Variants in VEPH1 observed in about 807,000 individuals in gnomAD.
VEPH1 encodes the protein ventricular zone-expressed PH domain-containing protein homolog 1.
VEPH1 carries 80 observed loss-of-function variants against 85.2 expected under a neutral mutation model. That is an observed-to-expected ratio of 0.94 (90% CI 0.78 to 1.13). The LOEUF is 1.13. Ranked by LOEUF, VEPH1 falls within the 50% of genes most tolerant of loss-of-function variation. The pLI is 0.00. For missense variants in VEPH1, 955 were observed against 980.5 expected, an observed-to-expected ratio of 0.97 and a Z score of 0.35; for synonymous variants, 297 against 348.0, an observed-to-expected ratio of 0.85 and a Z score of 1.63.
intron 9 of VEPH1, among the ~76,000 whole-genome samples, chr3:157,350,976 A>G (rs1024848370): frequency 1.3e-5 from 2 of 152,234 alleles, no homozygotes; most frequent in African/African-American, 4.8e-5. Flanking sequence ...CTCAATATCT[A>G]CAAATAGAAC....
intron 11 of VEPH1, among the ~76,000 whole-genome samples, chr3:157,298,168 G>T (rs957871962): frequency 6.6e-6 from 1 of 152,210 alleles, no homozygotes; most frequent in Non-Finnish European, 1.5e-5. Context: ...GCTCTGCTAG[G>T]TGTTGAATTA....
intron 9 of VEPH1, among the ~76,000 whole-genome samples, chr3:157,328,228 AT>A (rs57972117): frequency 0.13 from 20,083 of 152,178 alleles, 2,458 homozygotes; most frequent in African/African-American, 0.33. Context: ...TAAAGAGTTA[AT>A]TCATGTAAGG....
chr3:157,339,775 C>A (rs1398398821), intron 9 of VEPH1, among the ~76,000 whole-genome samples: 1 of 152,134 alleles, frequency 6.6e-6, no homozygotes, highest in East Asian at 1.9e-4. Flanking sequence ...AAGGGGAATT[C>A]TTCTTAGACC....
chr3:157,452,312 G>T (rs898197033), intron 4 of VEPH1, among the ~76,000 whole-genome samples: 5 of 152,180 alleles, frequency 3.3e-5, no homozygotes, highest in African/African-American at 1.2e-4. Flanking sequence ...AGGAGGAAAA[G>T]AGGGAAGTGC....
At chr3:157,442,570 T>A in intron 4 of VEPH1, 1 of 1,614,244 alleles carries the variant, frequency 6.2e-7, no homozygotes, top group Non-Finnish European at 8.5e-7. Flanking sequence ...CAATCCATAG[T>A]GTTTGTGGTG....
intron 2 of VEPH1, among the ~76,000 whole-genome samples, chr3:157,485,034 C>A (rs1327469989): frequency 6.6e-6 from 1 of 152,068 alleles, no homozygotes; most frequent in Non-Finnish European, 1.5e-5. Flanking sequence ...AAACTATATT[C>A]TTTTTTAGGT....
At chr3:157,395,665 A>G (rs547274966) in intron 6 of VEPH1, among the ~76,000 whole-genome samples, 1 of 152,262 alleles carries the variant, frequency 6.6e-6, no homozygotes, top group Non-Finnish European at 1.5e-5. Context: ...ACTCAGGTCC[A>G]TCCACATATC....
rs1167396643 is a variant in VEPH1, at chr3:157,450,196, C to T, written c.529+9985G>A. ...TCAGCCTCCAGAGTAGCTGAGACTA[C>T]AGGTGCACACCACCAAGCCCAGATA... On this transcript the variant is annotated intron_variant, in intron 4 of 13. Transcript: ENST00000362010. Among the ~76,000 whole-genome samples the T allele has an allele frequency of 2.0e-5, 3 of 151,660 alleles. No individual in the cohort carries two copies. The East Asian group carries it at 5.8e-4, about 29-fold the overall frequency.
chr3:157,279,475 G>C (rs1455563378), intron 12 of VEPH1, among the ~76,000 whole-genome samples: 2 of 152,108 alleles, frequency 1.3e-5, no homozygotes, highest in African/African-American at 4.8e-5. Context: ...GATAGAGAGA[G>C]ACAACTCTCT....
At chr3:157,407,673 T>C (rs1731246559) in intron 6 of VEPH1, among the ~76,000 whole-genome samples, 2 of 152,126 alleles carry the variant, frequency 1.3e-5, no homozygotes, top group African/African-American at 4.8e-5. Context: ...AGAGGCAAGG[T>C]AAGCCATTTC....
chr3:157,465,550 G>A (rs1388346007), intron 3 of VEPH1, among the ~76,000 whole-genome samples: 1 of 152,156 alleles, frequency 6.6e-6, no homozygotes, highest in Non-Finnish European at 1.5e-5. Context: ...CACACTACAG[G>A]TACAGAGCAG....
chr3:157,374,044 T>C (rs1727809486), intron 7 of VEPH1, among the ~76,000 whole-genome samples: 1 of 152,162 alleles, frequency 6.6e-6, no homozygotes, highest in African/African-American at 2.4e-5. Context: ...CACATCACCC[T>C]AAATGCTGCG....
intron 4 of VEPH1, chr3:157,459,775 C>A (rs1735665773): frequency 7.5e-6 from 11 of 1,463,344 alleles, no homozygotes; most frequent in Non-Finnish European, 5.4e-6. Flanking sequence ...TGTATTTTAT[C>A]TAACAAAAGA....
At chr3:157,427,449 G>C (rs182817246) in intron 5 of VEPH1, among the ~76,000 whole-genome samples, 1 of 151,082 alleles carries the variant, frequency 6.6e-6, no homozygotes, top group Middle Eastern at 3.4e-3. Context: ...GTATCTGTCT[G>C]GTTAATATTT....
intron 2 of VEPH1, chr3:157,493,370 G>A (rs1739393227): frequency 2.3e-6 from 1 of 432,168 alleles, no homozygotes; most frequent in Non-Finnish European, 4.7e-6. Context: ...GAATAGCTGG[G>A]GCTGGATCTG....
chr3:157,318,840 G>A (rs1156534886), intron 9 of VEPH1, among the ~76,000 whole-genome samples: 4 of 152,076 alleles, frequency 2.6e-5, no homozygotes, highest in African/African-American at 9.7e-5. Context: ...GAGCCCAGGA[G>A]TTCAAGGCCA....
intron 3 of VEPH1, among the ~76,000 whole-genome samples, chr3:157,465,112 A>C (rs1457578269): frequency 6.6e-6 from 1 of 152,174 alleles, no homozygotes; most frequent in Admixed American, 6.5e-5. Context: ...TTAGATACTG[A>C]AGCCTATTCT....
chr3:157,358,797 A>G (rs572377256), intron 9 of VEPH1, among the ~76,000 whole-genome samples: 1 of 152,346 alleles, frequency 6.6e-6, no homozygotes, highest in Admixed American at 6.5e-5. Flanking sequence ...GGAGATTGAG[A>G]CCATCCTGGT....
At chr3:157,264,307 T>C (rs1713314450) in intron 13 of VEPH1, among the ~76,000 whole-genome samples, 1 of 151,932 alleles carries the variant, frequency 6.6e-6, no homozygotes, top group Admixed American at 6.5e-5. Context: ...GTTATATCAT[T>C]GACTCCCTTA....
Sources: gnomAD v4.1 joint callset for allele counts (sites outside exome capture counted in the v4.1 genomes callset) on GRCh38, gnomAD v4.1.1 for gene constraint, MANE v1.5 for transcripts, NCBI Gene and HGNC (gene_info 2026-07-23, HGNC 2026-07-21) for gene names.